Variants in SPPL3 observed in about 807,000 individuals in gnomAD.
SPPL3 encodes signal peptide peptidase like 3.
Under a neutral mutation model 42.4 loss-of-function variants are expected in SPPL3, and 5 were observed. The observed-to-expected ratio is 0.12, with a 90% CI of 0.06 to 0.25. The LOEUF (loss-of-function observed/expected upper bound fraction) is 0.25, where lower values mean the gene tolerates loss of function less well. Among genes scored for constraint, SPPL3 ranks in the 10% least tolerant of loss-of-function variants. SPPL3 has a pLI of 1.00. For synonymous variants in SPPL3, 195 were observed against 181.8 expected, an observed-to-expected ratio of 1.07 and a Z score of -0.58; for missense variants, 235 against 489.0, an observed-to-expected ratio of 0.48 and a Z score of 4.90.
chr12:120,777,060 A>T (rs182050731), intron 6 of SPPL3, among the ~76,000 whole-genome samples: 1 of 152,288 alleles, frequency 6.6e-6, no homozygotes, highest in East Asian at 1.9e-4. Flanking sequence ...TCAATCTGTC[A>T]TTTAAAGACA....
chr12:120,899,504 T>C (rs2137073139), intron 1 of SPPL3, among the ~76,000 whole-genome samples: 1 of 152,236 alleles, frequency 6.6e-6, no homozygotes, highest in Admixed American at 6.5e-5. Context: ...TAGTGTCATA[T>C]GGTCCTTACT....
Position 120,903,798 on chromosome 12 carries a change from GA to G in SPPL3, c.23+46del, listed in dbSNP as rs1360454462. 3 of 1,189,630 alleles carry G rather than the reference GA, an allele frequency of 2.5e-6. No individual in the cohort carries two copies. The South Asian group carries it at 4.5e-5, about 18-fold the overall frequency. 73.7% of individuals were successfully genotyped at this position (1,189,630 alleles called of 1,614,324 possible). ...CCTCGGCGGGCCGCGCCGGCGCCCC[GA>G]CCCCCACCCTTGCCGCCTCCCGGCC... On this transcript the variant is annotated intron_variant, in intron 1 of 10. Coordinates refer to ENST00000353487, the MANE Select transcript of SPPL3 (RefSeq NM_139015.5).
intron 1 of SPPL3, among the ~76,000 whole-genome samples, chr12:120,850,734 G>C (rs1048053064): frequency 1.2e-4 from 19 of 152,314 alleles, no homozygotes; most frequent in African/African-American, 4.6e-4. Context: ...TCTGACATCG[G>C]TTTTATAGGG....
intron 6 of SPPL3, among the ~76,000 whole-genome samples, chr12:120,771,419 C>T (rs547086695): frequency 1.3e-5 from 2 of 152,358 alleles, no homozygotes; most frequent in South Asian, 2.1e-4. Flanking sequence ...ACTGGCTCCG[C>T]TCCTCGTCTT....
chr12:120,807,526 C>T (rs1192817036), intron 2 of SPPL3, among the ~76,000 whole-genome samples: 3 of 151,580 alleles, frequency 2.0e-5, no homozygotes. Context: ...ATACAAAAAT[C>T]AGCCGGGCAT....
At chr12:120,765,936 G>C (rs1011994645) in intron 10 of SPPL3, among the ~76,000 whole-genome samples, 1 of 152,172 alleles carries the variant, frequency 6.6e-6, no homozygotes, top group African/African-American at 2.4e-5. Flanking sequence ...GGTGGCAGGA[G>C]GGCACTGCTT....
intron 6 of SPPL3, among the ~76,000 whole-genome samples, chr12:120,776,635 G>A (rs1200035294): frequency 6.6e-6 from 1 of 151,850 alleles, no homozygotes; most frequent in Non-Finnish European, 1.5e-5. Flanking sequence ...TCTCTGCAAT[G>A]CTAAGATAGG....
intron 1 of SPPL3, among the ~76,000 whole-genome samples, chr12:120,856,531 A>T (rs1240015654): frequency 9.2e-6 from 1 of 108,590 alleles, no homozygotes; most frequent in Non-Finnish European, 1.8e-5. Context: ...TTTTTTTGAG[A>T]CAGAGCGAGA....
chr12:120,767,438 T>C lies in SPPL3; in HGVS notation c.929A>G (p.Gln310Arg). Residue 310 changes from glutamine to arginine, a missense_variant, in exon 9 of 11, where the codon CAG (glutamine) becomes CGG (arginine). By Grantham distance (43) the Gln-to-Arg change is conservative (BLOSUM62 1). Around this residue, in one of 6 missense-constraint regions of SPPL3, gnomAD observed 38 missense variants for 105.2 expected, o/e 0.36. Coordinates refer to ENST00000353487, the MANE Select transcript of SPPL3 (RefSeq NM_139015.5). The part of the protein sequence containing the change: ...PGPANISGRM[Q>R]KVSYFHCTLI... ...GGTGCAGTGAAAGTAGGAGACCTTC[T>C]GCATGCGCCCGGAGATGTTGGCAGG... is the stretch of plus-strand genomic sequence containing the variant. 13 of 1,613,926 alleles carry C rather than the reference T, an allele frequency of 8.1e-6. No homozygotes were observed. Among genetic ancestry groups the C allele is most frequent in the Non-Finnish European group, 1.1e-5 (13 of 1,180,032 alleles).
chr12:120,851,146 T>C (rs1210090225), intron 1 of SPPL3, among the ~76,000 whole-genome samples: 2 of 152,186 alleles, frequency 1.3e-5, no homozygotes. Context: ...GGTGTTATCA[T>C]TCCTAATGAA....
chr12:120,885,915 C>T (rs999220581), intron 1 of SPPL3, among the ~76,000 whole-genome samples: 2 of 142,736 alleles, frequency 1.4e-5, no homozygotes, highest in Non-Finnish European at 3.0e-5. Context: ...AGTGCAATGG[C>T]GCGATTTCAG....
intron 1 of SPPL3, among the ~76,000 whole-genome samples, chr12:120,886,926 GT>G (rs1234657723): frequency 6.6e-6 from 1 of 152,036 alleles, no homozygotes; most frequent in Non-Finnish European, 1.5e-5. Flanking sequence ...ACTAAAAAAA[GT>G]TAAAATGTCT....
chr12:120,780,623 C>T (rs1869495879), intron 6 of SPPL3, among the ~76,000 whole-genome samples: 2 of 149,262 alleles, frequency 1.3e-5, no homozygotes. Flanking sequence ...CGTGGTGGCT[C>T]ACGCCTGTAA....
chr12:120,854,604 A>G (rs1256669272), intron 1 of SPPL3, among the ~76,000 whole-genome samples: 1 of 152,208 alleles, frequency 6.6e-6, no homozygotes, highest in African/African-American at 2.4e-5. Flanking sequence ...TATATTCTGT[A>G]TATTTTATTA....
intron 1 of SPPL3, among the ~76,000 whole-genome samples, chr12:120,829,949 G>A (rs1331507421): frequency 6.7e-6 from 1 of 148,860 alleles, no homozygotes; most frequent in African/African-American, 2.5e-5. Context: ...AGCTGAGATC[G>A]CACCATTGCA....
At chr12:120,774,212 T>TA (rs1416494272) in intron 6 of SPPL3, among the ~76,000 whole-genome samples, 1 of 152,216 alleles carries the variant, frequency 6.6e-6, no homozygotes, top group Non-Finnish European at 1.5e-5. Flanking sequence ...CCTTTACTGT[T>TA]ACTGCAGACC....
chr12:120,875,937 A>C (rs867311855), intron 1 of SPPL3, among the ~76,000 whole-genome samples: 2 of 152,156 alleles, frequency 1.3e-5, no homozygotes, highest in South Asian at 2.1e-4. Flanking sequence ...AGTGGTGTCA[A>C]TATCAACAAA....
rs141917315 is a variant in SPPL3, at chr12:120,766,403, CGA to C, written c.974-33_974-32del. On this transcript the variant is annotated intron_variant, in intron 9 of 10. Coordinates refer to ENST00000353487, the MANE Select transcript of SPPL3 (RefSeq NM_139015.5). ...AGGAGAGAGAGGCATCTGTGAGACACGAGAGGGAACCCGTGTCACCTGGCTGC... is the reference window on the plus strand; with the variant it reads ...AGGAGAGAGAGGCATCTGTGAGACACGAGGGAACCCGTGTCACCTGGCTGC... 6,090 of 1,535,858 alleles carry C rather than the reference CGA, an allele frequency of 4.0e-3. 67 individuals carry two copies. In the African/African-American group the frequency reaches 0.042, roughly 11 times the overall value.
intron 1 of SPPL3, chr12:120,845,129 G>A (rs1410684512): frequency 1.1e-5 from 5 of 441,670 alleles, no homozygotes; most frequent in Non-Finnish European, 2.2e-5. Context: ...TTCCGGAGCG[G>A]ACTAGACAGC....
Sources: allele counts gnomAD v4.1 joint callset (sites outside exome capture counted in the v4.1 genomes callset), GRCh38; gene constraint gnomAD v4.1.1; regional missense constraint gnomAD v4.1.1; transcripts MANE v1.5; gene names NCBI Gene and HGNC (gene_info 2026-07-23, HGNC 2026-07-21).